ZNF676: variants seen among roughly 807,000 people sequenced by gnomAD.
The protein encoded by ZNF676 is zinc finger protein 676.
In ZNF676, 4 loss-of-function variants were observed where a neutral mutation model predicts 6.0. The ratio of observed to expected loss-of-function variants is 0.67; its 90% CI spans 0.33 to 1.53. The LOEUF is 1.53. ZNF676 is among the 40% of genes most tolerant of loss of function. ZNF676 has a pLI of 0.06. For missense variants in ZNF676, 644 were observed against 679.7 expected (o/e 0.95, Z 0.58); for synonymous variants, 198 against 223.1 (o/e 0.89, Z 1.00).
chr19:22,211,839 GTTC>G (rs987860735), intron 1 of ZNF676, among the ~76,000 whole-genome samples: 2 of 152,100 alleles, frequency 1.3e-5, no homozygotes, highest in African/African-American at 2.4e-5. Flanking sequence ...AAGAAAAAAT[GTTC>G]TTATTTTTTT....
At chr19:22,245,215 A>C in the ZNF676 span, 3 of 152,170 alleles carry the variant, frequency 2.0e-5, no homozygotes, top group Non-Finnish European at 2.9e-5. Context: ...TTTCCCTGTG[A>C]ATAGGGCTCA....
At chr19:22,202,269 GAC>G (rs112728450) in intron 1 of ZNF676, among the ~76,000 whole-genome samples, 64,174 of 151,674 alleles carry the variant, frequency 0.42, 14,356 homozygotes, top group African/African-American at 0.58. Context: ...CAGGTCTGAA[GAC>G]ACAAGTCATT....
rs372702194 is a variant in ZNF676 at position 22,180,254 on chromosome 19, G to T, written c.1463C>A (p.Thr488Lys). 3 of 1,612,282 alleles carry T rather than the reference G, an allele frequency of 1.9e-6. No homozygotes were observed. Among genetic ancestry groups the T allele is most frequent in the South Asian group, 2.2e-5 (2 of 90,976 alleles). The change falls in exon 3 of 3, where the codon ACG becomes AAG. Residue 488 changes from threonine to lysine, a missense_variant. Coordinates refer to ENST00000397121, the MANE Select transcript of ZNF676 (RefSeq NM_001001411.3). ...CTTATGTTTAGTAAGGATTGAGAAC[G>T]TACTAAAGCCTTTGCCACATTCTTC... The part of the protein sequence containing the change: ...KCEECGKGFS[T>K]FSILTKHKII...
chr19:22,207,911 CCCTTT>C (rs2024091769), intron 1 of ZNF676, among the ~76,000 whole-genome samples: 2 of 151,438 alleles, frequency 1.3e-5, no homozygotes, highest in Admixed American at 1.3e-4. Flanking sequence ...TGAAACTGGA[CCCTTT>C]TATAACACCA....
At chr19:22,190,630 C>CATATAA (rs2023889207) in intron 2 of ZNF676, among the ~76,000 whole-genome samples, 4 of 66,792 alleles carry the variant, frequency 6.0e-5, no homozygotes, top group African/African-American at 1.7e-4. Flanking sequence ...TAGAATGCAA[C>CATATAA]ATATATATAT....
At chr19:22,257,022 T>C in the ZNF676 span, among the ~76,000 whole-genome samples, 1 of 152,094 alleles carries the variant, frequency 6.6e-6, no homozygotes, top group Non-Finnish European at 1.5e-5. Flanking sequence ...ATCACCTAAA[T>C]GCTGAGTCCA....
chr19:22,239,026 A>C, the ZNF676 span, among the ~76,000 whole-genome samples: 1 of 152,098 alleles, frequency 6.6e-6, no homozygotes, highest in Non-Finnish European at 1.5e-5. Context: ...CAATCCAGTC[A>C]CGTTGACACA....
chr19:22,227,125 A>G, the ZNF676 span, among the ~76,000 whole-genome samples: 1 of 152,184 alleles, frequency 6.6e-6, no homozygotes, highest in African/African-American at 2.4e-5. Context: ...AACACTCATC[A>G]GCAAATGCAA....
chr19:22,225,384 G>A, the ZNF676 span, among the ~76,000 whole-genome samples: 3 of 152,022 alleles, frequency 2.0e-5, no homozygotes, highest in African/African-American at 7.2e-5. Flanking sequence ...TCAGCCTTTT[G>A]GCTTTTGTGA....
chr19:22,244,740 A>T, the ZNF676 span: 3 of 152,242 alleles, frequency 2.0e-5, no homozygotes, highest in African/African-American at 4.8e-5. Flanking sequence ...GCAGAAAAAG[A>T]GTCACATCAC....
upstream of ZNF676, chr19:22,196,997 CAT>C (rs1190284585): frequency 2.9e-5 from 10 of 343,148 alleles, no homozygotes; most frequent in Non-Finnish European, 4.8e-5. Context: ...AAAACACTAA[CAT>C]GTACAATTTT....
the ZNF676 span, among the ~76,000 whole-genome samples, chr19:22,240,387 G>A: frequency 1.3e-5 from 2 of 151,876 alleles, no homozygotes; most frequent in Non-Finnish European, 2.9e-5. Context: ...ACATCAAATA[G>A]TTGATGGGCC....
the ZNF676 span, among the ~76,000 whole-genome samples, chr19:22,245,995 C>T: frequency 1.1e-3 from 172 of 152,164 alleles, 2 homozygotes; most frequent in African/African-American, 4.1e-3. Flanking sequence ...AGGAGGCTCT[C>T]GTGCCCTAGG....
chr19:22,186,436 T>C lies in ZNF676; in HGVS notation c.131-4850A>G, dbSNP rs2023840963. ...CCAGCCACTGCAAAAACATACCAAA[T>C]TGTAAAGACCATCGACACTATGAAG... is the stretch of plus-strand genomic sequence containing the variant. On this transcript the variant is annotated intron_variant, in intron 2 of 2. Coordinates refer to ENST00000397121, the MANE Select transcript of ZNF676 (RefSeq NM_001001411.3). Among the ~76,000 whole-genome samples the C allele has an allele frequency of 2.6e-5, 4 of 152,124 alleles. No individual in the cohort carries two copies. The South Asian group carries it at 8.3e-4, about 32-fold the overall frequency.
intron 1 of ZNF676, among the ~76,000 whole-genome samples, chr19:22,193,983 T>C (rs2023941343): frequency 6.6e-6 from 1 of 152,212 alleles, no homozygotes; most frequent in African/African-American, 2.4e-5. Context: ...ATACCTGATA[T>C]GGAGCTTAAA....
rs1454661475 is a variant in ZNF676, at chr19:22,180,625, G to T, written c.1092C>A (p.Pro364=). The T allele has an allele frequency of 7.4e-6, 12 of 1,612,550 alleles. No homozygotes were observed. In the East Asian group the frequency reaches 2.5e-4, roughly 33 times the overall value. ...CTTTGCCACATCCTTCACATTTGTA[G>T]GGTTTCTCTCCAGTATGAATAATCT... ...KHKIIHTGEK[P]YKCEGCGKAF... is the part of the protein sequence containing the mutation. The change falls in exon 3 of 3, where the codon CCC becomes CCA. Residue 364 remains proline (P), a synonymous_variant. Coordinates refer to ENST00000397121, the MANE Select transcript of ZNF676 (RefSeq NM_001001411.3).
the ZNF676 span, among the ~76,000 whole-genome samples, chr19:22,231,870 G>A: frequency 6.6e-6 from 1 of 152,152 alleles, no homozygotes; most frequent in Non-Finnish European, 1.5e-5. Context: ...AAAGTGCTGG[G>A]ATTACAAGCG....
chr19:22,230,005 C>G, the ZNF676 span, among the ~76,000 whole-genome samples: 2 of 152,092 alleles, frequency 1.3e-5, no homozygotes, highest in African/African-American at 4.8e-5. Context: ...TGGGTATATA[C>G]CCGAAAGATT....
chr19:22,214,186 G>C (rs1409390561), intron 1 of ZNF676, among the ~76,000 whole-genome samples: 1 of 152,200 alleles, frequency 6.6e-6, no homozygotes, highest in African/African-American at 2.4e-5. Flanking sequence ...ATAGGGGGTG[G>C]CAGATAGACT....
Sources: allele counts gnomAD v4.1 joint callset (sites outside exome capture counted in the v4.1 genomes callset), GRCh38; gene constraint gnomAD v4.1.1; transcripts MANE v1.5; gene names NCBI Gene and HGNC (gene_info 2026-07-23, HGNC 2026-07-21).